Variants in XPO4 observed in about 807,000 individuals in gnomAD.
XPO4 encodes exportin 4, also known as exportin-4.
XPO4 carries 39 observed loss-of-function variants against 143.0 expected under a neutral mutation model. The ratio of observed to expected loss-of-function variants is 0.27; its 90% CI spans 0.21 to 0.36. The LOEUF is 0.36. XPO4 is among the 10% of genes least tolerant of loss of function. XPO4 has a pLI of 1.00. For synonymous variants in XPO4, 439 were observed against 474.0 expected (o/e 0.93, Z 0.96); for missense variants, 907 against 1,348.0 (o/e 0.67, Z 5.12).
At position 20,843,901 on chromosome 13, in the gene XPO4, TAAG is replaced by T. The variant is rs1566601856; in HGVS notation, c.457-18_457-16del. On this transcript the variant is annotated splice_polypyrimidine_tract_variant and intron_variant, in intron 4 of 22. Transcript: ENST00000255305. ...GCCAGAGTTTGCTGTAATTATTTGATAAGAAATAATTGTGAGGCATTACTGTTT... is the reference window on the plus strand; with the variant it reads ...GCCAGAGTTTGCTGTAATTATTTGATAAATAATTGTGAGGCATTACTGTTT... 6.3e-7 allele frequency: 1 copy of T among 1,583,664 alleles called. No individual in the cohort carries two copies. The highest frequency in any genetic ancestry group is 1.7e-5 in the Admixed American group (1 of 59,834).
chr13:20,878,716 G>A (rs545378103), intron 1 of XPO4, among the ~76,000 whole-genome samples: 82 of 152,314 alleles, frequency 5.4e-4, no homozygotes, highest in African/African-American at 1.8e-3. Context: ...TGAGGTCGAC[G>A]AGGCAGGGAA....
At chr13:20,850,928 C>G (rs761854513) in intron 4 of XPO4, 1 of 985,256 alleles carries the variant, frequency 1.0e-6, no homozygotes, top group Non-Finnish European at 1.2e-6. Context: ...TGAAGTCAAC[C>G]CTTTCTTCAT....
chr13:20,795,202 A>T (rs1840843812), intron 18 of XPO4, among the ~76,000 whole-genome samples: 1 of 152,176 alleles, frequency 6.6e-6, no homozygotes, highest in African/African-American at 2.4e-5. Flanking sequence ...AGGAGAGGCT[A>T]GATATGATTC....
chr13:20,799,332 A>G lies in XPO4; in HGVS notation c.2155T>C (p.Leu719=), dbSNP rs1313299845. 1 of 1,613,262 alleles carries G rather than the reference A, an allele frequency of 6.2e-7. No individual in the cohort carries two copies. Among genetic ancestry groups the G allele is most frequent in the East Asian group, 2.2e-5 (1 of 44,854 alleles). The change falls in exon 16 of 23, where the codon TTA becomes CTA. Residue 719 remains leucine, a synonymous_variant. Transcript: ENST00000255305. ...TLVERRERAN[L]VIQCENWWNL... is the part of the protein sequence containing the mutation. ...CACCAGTTCTCACATTGAATTACTA[A>G]GTTTGCCCTACAGGTAGAAATAACA... is the stretch of plus-strand genomic sequence containing the variant.
chr13:20,859,029 T>C (rs898019604), intron 3 of XPO4, among the ~76,000 whole-genome samples: 2 of 151,946 alleles, frequency 1.3e-5, no homozygotes, highest in African/African-American at 4.8e-5. Flanking sequence ...ATCAAAATGA[T>C]TTTAAAATGA....
intron 1 of XPO4, among the ~76,000 whole-genome samples, chr13:20,899,813 A>G (rs9509428): frequency 0.36 from 54,367 of 152,116 alleles, 11,402 homozygotes; most frequent in Non-Finnish European, 0.48. Flanking sequence ...AAATACAGCA[A>G]TTTTCCATAA....
rs1045415379 is a variant in XPO4, at chr13:20,831,523, C to T, written c.728-4344G>A. Among the ~76,000 whole-genome samples, 7 of 152,064 alleles carry T rather than the reference C, an allele frequency of 4.6e-5. No individual in the cohort carries two copies. The East Asian group carries it at 1.3e-3, about 29-fold the overall frequency. ...TGGAACTAAATAGCTATTACTTCACCGAAGTTCAAATAAGAGTGTAATTCA... is the reference window on the plus strand; with the variant it reads ...TGGAACTAAATAGCTATTACTTCACTGAAGTTCAAATAAGAGTGTAATTCA... On this transcript the variant is annotated intron_variant, in intron 6 of 22. Coordinates refer to ENST00000255305, the MANE Select transcript of XPO4 (RefSeq NM_022459.5).
intron 22 of XPO4, among the ~76,000 whole-genome samples, chr13:20,786,055 A>T (rs1329960312): frequency 6.6e-6 from 1 of 152,156 alleles, no homozygotes; most frequent in Non-Finnish European, 1.5e-5. Context: ...GCAACAAGTA[A>T]GACAAATGAC....
chr13:20,868,735 T>C lies in XPO4; in HGVS notation c.70-34A>G, dbSNP rs745749146. The C allele has an allele frequency of 5.1e-6, 8 of 1,577,970 alleles. No homozygotes were observed. The African/African-American group carries it at 8.1e-5, about 16-fold the overall frequency. On this transcript the variant is annotated intron_variant, in intron 1 of 22. Transcript: ENST00000255305. ...TTAAAGACAAGAACAGATACACTTA[T>C]CTAATGACAAAGCTTAAATAATATC...
At chr13:20,808,672 G>C in intron 11 of XPO4, 91 bp from the exon 12 acceptor site, 1 of 1,125,428 alleles carries the variant, frequency 8.9e-7, no homozygotes, top group Non-Finnish European at 1.2e-6. Flanking sequence ...AACATGAATT[G>C]AATGTTAGCG....
At chr13:20,798,689 T>A (rs73437411) in intron 16 of XPO4, among the ~76,000 whole-genome samples, 39 of 152,124 alleles carry the variant, frequency 2.6e-4, no homozygotes, top group African/African-American at 8.4e-4. Flanking sequence ...AATAAGAAGC[T>A]TCAACCCATT....
chr13:20,861,443 G>A lies in XPO4; in HGVS notation c.317+1274C>T, dbSNP rs186036978. On this transcript the variant is annotated intron_variant, in intron 3 of 22. Coordinates refer to ENST00000255305, the MANE Select transcript of XPO4 (RefSeq NM_022459.5). Reference sequence around the variant, plus strand: ...CCCAAGTAGCTGGGACTACAGGCATGCACTACCACGCCCGACTAATTTTTG... The same window carrying A: ...CCCAAGTAGCTGGGACTACAGGCATACACTACCACGCCCGACTAATTTTTG... 3.1e-3 allele frequency among the ~76,000 whole-genome samples: 466 copies of A among 151,742 alleles called. 2 individuals carry two copies. The highest frequency in any genetic ancestry group is 0.014 in the Middle Eastern group (4 of 294).
chr13:20,878,472 G>C (rs1288878620), intron 1 of XPO4, among the ~76,000 whole-genome samples: 1 of 152,222 alleles, frequency 6.6e-6, no homozygotes, highest in South Asian at 2.1e-4. Context: ...TTGCAGTATA[G>C]TCATACATTG....
chr13:20,878,289 C>T (rs1566622452), intron 1 of XPO4, among the ~76,000 whole-genome samples: 2 of 151,892 alleles, frequency 1.3e-5, no homozygotes, highest in African/African-American at 4.8e-5. Flanking sequence ...GTTGATAGTC[C>T]CAACCAGCAA....
At chr13:20,805,949 CATAGTCT>C (rs1423613212) in intron 13 of XPO4, among the ~76,000 whole-genome samples, 2 of 151,714 alleles carry the variant, frequency 1.3e-5, no homozygotes, top group Non-Finnish European at 2.9e-5. Context: ...CCCAATCCTC[CATAGTCT>C]GTGCTCTCAG....
chr13:20,883,492 C>T (rs2138163681), intron 1 of XPO4, among the ~76,000 whole-genome samples: 1 of 152,276 alleles, frequency 6.6e-6, no homozygotes, highest in Admixed American at 6.5e-5. Flanking sequence ...AACTGTATTT[C>T]TTAGAGCAAT....
At chr13:20,887,225 T>C (rs1005061583) in intron 1 of XPO4, among the ~76,000 whole-genome samples, 1 of 152,210 alleles carries the variant, frequency 6.6e-6, no homozygotes, top group Non-Finnish European at 1.5e-5. Flanking sequence ...AATATGCCAA[T>C]AGCAAAACCA....
chr13:20,866,317 A>G, intron 2 of XPO4: 1 of 985,046 alleles, frequency 1.0e-6, no homozygotes, highest in Non-Finnish European at 1.2e-6. Context: ...GAAAGAAATG[A>G]GGAAAAATGA....
At chr13:20,852,721 A>G in intron 4 of XPO4, 2 of 978,814 alleles carry the variant, frequency 2.0e-6, no homozygotes, top group Non-Finnish European at 2.4e-6. Context: ...CCACATCTAT[A>G]TTATATACAT....
Sources: allele counts gnomAD v4.1 joint callset (sites outside exome capture counted in the v4.1 genomes callset), GRCh38; gene constraint gnomAD v4.1.1; transcripts MANE v1.5; gene names NCBI Gene and HGNC (gene_info 2026-07-23, HGNC 2026-07-21).